Variants in RCOR3 observed in about 807,000 individuals in gnomAD.
The protein encoded by RCOR3 is REST corepressor 3.
A neutral mutation model predicts 64.1 loss-of-function variants in RCOR3; 13 were observed. That is an observed-to-expected ratio of 0.20 (90% confidence interval 0.13 to 0.32). The LOEUF (loss-of-function observed/expected upper bound fraction) is 0.32, where lower values mean the gene tolerates loss of function less well. Among genes scored for constraint, RCOR3 ranks in the 10% least tolerant of loss-of-function variants. RCOR3 has a pLI of 1.00. For missense variants in RCOR3, 489 were observed against 701.2 expected (o/e 0.70, Z 3.42); for synonymous variants, 215 against 239.0 (o/e 0.90, Z 0.93).
At position 211,313,224 on chromosome 1, in the gene RCOR3, G is replaced by A. The variant is rs1330026618; in HGVS notation, c.1318-200G>A. 4.2e-6 allele frequency: 6 copies of A among 1,430,094 alleles called. No individual in the cohort carries two copies. The highest frequency in any genetic ancestry group is 3.6e-6 in the Non-Finnish European group (4 of 1,098,830). 88.6% of individuals were successfully genotyped at this position (1,430,094 alleles called of 1,614,324 possible). On this transcript the variant is annotated intron_variant, in intron 11 of 11. Coordinates refer to ENST00000419091, the MANE Select transcript of RCOR3 (RefSeq NM_001136223.3). This position sits in a 1 kb window ranked among gnomAD's most constrained non-coding sequence, Gnocchi z 4.7. ...AAGCTGTTTACAAATAAAGATGCCT[G>A]TTTGGTAGCCTCATTGGTTTTTGGT...
chr1:211,298,351 T>C (rs1445940851), intron 9 of RCOR3, among the ~76,000 whole-genome samples: 1 of 152,146 alleles, frequency 6.6e-6, no homozygotes, highest in Admixed American at 6.5e-5. Flanking sequence ...TTTTTGCACA[T>C]ACAGAAAGGA....
intron 10 of RCOR3, among the ~76,000 whole-genome samples, chr1:211,310,728 G>A (rs1701394833): frequency 6.6e-6 from 1 of 152,154 alleles, no homozygotes; most frequent in African/African-American, 2.4e-5. Context: ...CAGACTTGGG[G>A]ACAACTTAGA....
chr1:211,308,684 G>GTTTTTTTTTTTTTTTTTTTTTTTTTTTTT (rs71585833), intron 10 of RCOR3, among the ~76,000 whole-genome samples: 3 of 42,038 alleles, frequency 7.1e-5, no homozygotes, highest in Non-Finnish European at 9.7e-5. Context: ...TTTTTTTTTT[G>GTTTTTTTTTTTTTTTTTTTTTTTTTTTTT]TTTTTTTTTT....
At chr1:211,267,446 A>G (rs936794874) in intron 2 of RCOR3, among the ~76,000 whole-genome samples, 1 of 152,202 alleles carries the variant, frequency 6.6e-6, no homozygotes, top group Non-Finnish European at 1.5e-5. Flanking sequence ...TTAATTAGGC[A>G]TTCTCTGCTA....
At chr1:211,260,240 G>A (rs1355040367) in intron 2 of RCOR3, 76 bp downstream of exon 2, 10 of 1,371,588 alleles carry the variant, frequency 7.3e-6, no homozygotes, top group Non-Finnish European at 1.0e-5. Context: ...CTAGGAGTCC[G>A]GGCATGGGGC....
chr1:211,294,847 C>T (rs1021827362), intron 8 of RCOR3, among the ~76,000 whole-genome samples: 4 of 151,942 alleles, frequency 2.6e-5, no homozygotes, highest in Non-Finnish European at 5.9e-5. Context: ...CCTTGGCCTC[C>T]GAAAGTGCTG....
Position 211,259,411 on chromosome 1 carries a change from G to T in RCOR3, c.-150G>T. 1.4e-6 allele frequency: 1 copy of T among 706,228 alleles called. No individual in the cohort carries two copies. Among genetic ancestry groups the T allele is most frequent in the Non-Finnish European group, 2.3e-6 (1 of 444,046 alleles). The allele number at this position is 706,228 out of a possible 1,614,324, so 43.7% of individuals were successfully genotyped here. The stretch of plus-strand genomic sequence containing the variant: ...CTACTGCCGGAGCGGGGCGGTTATG[G>T]CGGCTCCATATTAACAGCCTCCTCC... On this transcript the variant is annotated 5_prime_UTR_variant, in exon 1 of 12. Transcript: ENST00000419091.
chr1:211,264,099 A>G (rs903700547), intron 2 of RCOR3, among the ~76,000 whole-genome samples: 1 of 152,196 alleles, frequency 6.6e-6, no homozygotes, highest in Admixed American at 6.5e-5. Flanking sequence ...TTGGGATTAC[A>G]CGGTTGAGCC....
In RCOR3 at chr1:211,293,649, T is replaced by C. The variant is rs75204828; in HGVS notation, c.940-2027T>C. Among the ~76,000 whole-genome samples the C allele has an allele frequency of 3.3e-5, 5 of 152,248 alleles. No homozygotes were observed. In the East Asian group the frequency reaches 7.7e-4, roughly 23 times the overall value. On this transcript the variant is annotated intron_variant, in intron 8 of 11. Transcript: ENST00000419091. ...TCTATGTTAGGTGTTTTAGCGTTTATCATAGGTTTATGTTTACTTATCTCC... is the reference window on the plus strand; with the variant it reads ...TCTATGTTAGGTGTTTTAGCGTTTACCATAGGTTTATGTTTACTTATCTCC...
intron 2 of RCOR3, among the ~76,000 whole-genome samples, chr1:211,262,286 C>G (rs963865447): frequency 6.6e-6 from 1 of 151,900 alleles, no homozygotes; most frequent in Non-Finnish European, 1.5e-5. Context: ...TCTGCTGCCT[C>G]GACCTCCCAA....
Position 211,316,163 on chromosome 1 carries a change from T to G in RCOR3, c.*2395T>G, listed in dbSNP as rs1701853037. 1 of 148,094 alleles carries G rather than the reference T, an allele frequency of 6.8e-6. No homozygotes were observed. The highest frequency in any genetic ancestry group is 1.5e-5 in the Non-Finnish European group (1 of 66,448). 9.2% of individuals were successfully genotyped at this position (148,094 alleles called of 1,614,324 possible). A position where few individuals can be genotyped will look rare whatever the true frequency, so the allele number is the denominator to read the frequency against. On this transcript the variant is annotated 3_prime_UTR_variant, in exon 12 of 12. Coordinates refer to ENST00000419091, the MANE Select transcript of RCOR3 (RefSeq NM_001136223.3). ...TCATTAATTTCAGGGTTATCATTTT[T>G]GAGAAATCTACACCAAAGTGGTTTT...
In RCOR3 at chr1:211,297,004, T is replaced by C. The variant is rs1354724725; in HGVS notation, c.1017+1251T>C. ...ACTAGTAAGTGTGAAAAATAAAACA[T>C]TGAAATTCCTAGGAAAATGTGTCTT... On this transcript the variant is annotated intron_variant, in intron 9 of 11. Transcript: ENST00000419091. Among the ~76,000 whole-genome samples the C allele has an allele frequency of 3.3e-5, 5 of 151,956 alleles. No homozygotes were observed. The East Asian group carries it at 9.6e-4, about 29-fold the overall frequency.
chr1:211,295,562 C>T (rs1405097307), intron 8 of RCOR3, 114 bp from the exon 9 acceptor site: 1 of 811,120 alleles, frequency 1.2e-6, no homozygotes, highest in South Asian at 1.6e-5. Flanking sequence ...TATGACTATT[C>T]TCCTAAAATA....
chr1:211,288,852 C>A (rs1698899702), intron 7 of RCOR3, among the ~76,000 whole-genome samples: 1 of 151,742 alleles, frequency 6.6e-6, no homozygotes, highest in African/African-American at 2.4e-5. Context: ...CCCTTTATTG[C>A]TGAGGGAAAA....
At chr1:211,286,164 GTTCT>G (rs758790578) in intron 7 of RCOR3, among the ~76,000 whole-genome samples, 1 of 151,980 alleles carries the variant, frequency 6.6e-6, no homozygotes, top group Non-Finnish European at 1.5e-5. Context: ...ATGTATTTTT[GTTCT>G]TTCTTATTTT....
At chr1:211,262,409 G>T (rs147553070) in intron 2 of RCOR3, among the ~76,000 whole-genome samples, 4,265 of 152,180 alleles carry the variant, frequency 0.028, 79 homozygotes, top group South Asian at 0.073. Context: ...ATTAAAATTT[G>T]TAATTATGAA....
chr1:211,294,593 T>C (rs1699639517), intron 8 of RCOR3, among the ~76,000 whole-genome samples: 1 of 139,926 alleles, frequency 7.1e-6, no homozygotes, highest in Admixed American at 7.1e-5. Flanking sequence ...TTTCTTTTTT[T>C]TTTTTTTTTT....
chr1:211,277,024 T>C (rs1426416492), intron 5 of RCOR3, among the ~76,000 whole-genome samples: 1 of 150,744 alleles, frequency 6.6e-6, no homozygotes, highest in African/African-American at 2.4e-5. Flanking sequence ...AGGCAGAGGT[T>C]GCAGTGAACC....
intron 2 of RCOR3, among the ~76,000 whole-genome samples, chr1:211,263,382 A>G (rs968404473): frequency 6.6e-6 from 1 of 152,160 alleles, no homozygotes; most frequent in African/African-American, 2.4e-5. Flanking sequence ...GAGGAAAAAA[A>G]TCACTGAAAT....
Sources: allele counts gnomAD v4.1 joint callset (sites outside exome capture counted in the v4.1 genomes callset), GRCh38; gene constraint gnomAD v4.1.1; non-coding constraint Gnocchi (gnomAD v3.1); transcripts MANE v1.5; gene names NCBI Gene and HGNC (gene_info 2026-07-23, HGNC 2026-07-21).